Variants in PREPL observed in about 807,000 individuals in gnomAD.
The protein encoded by PREPL is prolyl endopeptidase like.
A neutral mutation model predicts 70.6 loss-of-function variants in PREPL; 77 were observed. The observed-to-expected ratio is 1.09, with a 90% confidence interval of 0.91 to 1.32. The LOEUF (loss-of-function observed/expected upper bound fraction) is 1.32. PREPL is among the 40% of genes most tolerant of loss of function. PREPL has a pLI of 0.00. For missense variants in PREPL, 1,002 were observed against 778.2 expected (o/e 1.29, Z -3.42); for synonymous variants, 315 against 264.8 (o/e 1.19, Z -1.84).
chr2:44,335,169 G>C (rs1009501770), intron 7 of PREPL, among the ~76,000 whole-genome samples: 1 of 152,110 alleles, frequency 6.6e-6, no homozygotes, highest in African/African-American at 2.4e-5. Context: ...AAAATGAAGA[G>C]ATAGAAGATA....
intron 7 of PREPL, among the ~76,000 whole-genome samples, chr2:44,338,102 C>T (rs188848161): frequency 2.6e-4 from 40 of 152,264 alleles, no homozygotes; most frequent in Admixed American, 5.9e-4. Flanking sequence ...AATATTAGCA[C>T]TCAACTCTAC....
At chr2:44,346,453 AAAGAT>A (rs1675836401) in intron 1 of PREPL, 63 bp from the exon 2 acceptor site, 1 of 1,485,902 alleles carries the variant, frequency 6.7e-7, no homozygotes, top group Non-Finnish European at 9.3e-7. Flanking sequence ...TTTGCTTTTT[AAAGAT>A]AAGTAGGTCT....
chr2:44,361,155 G>T (rs1364483117), intron 1 of PREPL, among the ~76,000 whole-genome samples: 2 of 152,196 alleles, frequency 1.3e-5, no homozygotes, highest in East Asian at 3.8e-4. Flanking sequence ...GGATGGGGGT[G>T]GGGTAGATAA....
chr2:44,330,135 G>A (rs192514882), intron 8 of PREPL, among the ~76,000 whole-genome samples: 13 of 152,310 alleles, frequency 8.5e-5, no homozygotes, highest in Non-Finnish European at 5.9e-5. Flanking sequence ...AAAACTTGAT[G>A]TAGATTAATT....
chr2:44,332,693 A>G (rs1213352296), intron 7 of PREPL, 37 bp from the exon 8 acceptor site: 1 of 1,478,652 alleles, frequency 6.8e-7, no homozygotes, highest in Admixed American at 2.0e-5. Flanking sequence ...TTCTTTATTT[A>G]GGCCACCAAG....
chr2:44,319,976 G>C lies in PREPL; in HGVS notation c.*1380C>G, dbSNP rs373643441. The C allele has an allele frequency of 1.8e-6, 1 of 543,930 alleles. No individual in the cohort carries two copies. The highest frequency in any genetic ancestry group is 3.3e-6 in the Non-Finnish European group (1 of 305,070). 33.7% of individuals were successfully genotyped at this position (543,930 alleles called of 1,614,324 possible). A position where few individuals can be genotyped will look rare whatever the true frequency, so the allele number is the denominator to read the frequency against. ...TCTACAATGTAGCAGAGCACTGTGC[G>C]TACTTATTGACTCCCAGACAAGCCG... On this transcript the variant is annotated 3_prime_UTR_variant, in exon 14 of 14. Transcript: ENST00000409411.
At chr2:44,353,672 C>G (rs1170609876) in intron 1 of PREPL, among the ~76,000 whole-genome samples, 2 of 151,582 alleles carry the variant, frequency 1.3e-5, no homozygotes, top group East Asian at 3.9e-4. Context: ...CAGACATATA[C>G]AAAAATGAGA....
intron 1 of PREPL, among the ~76,000 whole-genome samples, chr2:44,353,230 G>C (rs1676638164): frequency 1.3e-5 from 2 of 152,090 alleles, no homozygotes; most frequent in South Asian, 2.1e-4. Context: ...CTTAACTTTA[G>C]GCTCTGTGGC....
chr2:44,345,676 T>G (rs560801375), intron 2 of PREPL, among the ~76,000 whole-genome samples: 1 of 152,160 alleles, frequency 6.6e-6, no homozygotes, highest in Non-Finnish European at 1.5e-5. Flanking sequence ...TGACTATTTA[T>G]GACTGTGATA....
rs538321114 is a variant in PREPL at position 44,343,791 on chromosome 2, G to A, written c.303C>T (p.Ser101=). 5.6e-6 allele frequency: 9 copies of A among 1,613,790 alleles called. No individual in the cohort carries two copies. Among genetic ancestry groups the A allele is most frequent in the Admixed American group, 5.0e-5 (3 of 59,982 alleles). Residue 101 remains serine, a synonymous_variant, in exon 4 of 14, where the codon AGC becomes AGT. Transcript: ENST00000409411. ...AAGAAGCTTCCATTACGGGCTGATC[G>A]CTGAGCTTTATAATTACACAGGTAG... ...EASTCVIIKL[S]DQPVMEASFP... is the part of the protein sequence containing the mutation.
chr2:44,333,707 C>T (rs1388260094), intron 7 of PREPL, among the ~76,000 whole-genome samples: 1 of 152,126 alleles, frequency 6.6e-6, no homozygotes, highest in Non-Finnish European at 1.5e-5. Context: ...GTATGCTTCT[C>T]ACATTGAGGG....
Position 44,317,681 on chromosome 2 carries a change from A to C in PREPL, c.*3675T>G, listed in dbSNP as rs1672538376. 6.6e-6 allele frequency: 1 copy of C among 152,412 alleles called. No individual in the cohort carries two copies. The highest frequency in any genetic ancestry group is 1.5e-5 in the Non-Finnish European group (1 of 68,240). The allele number at this position is 152,412 out of a possible 1,614,324, so 9.4% of individuals were successfully genotyped here. ...TTTCAAAGAATTATTTTCAAAGAAC[A>C]CTAGACATAAAATATAACAATTTTC... On this transcript the variant is annotated 3_prime_UTR_variant, in exon 14 of 14. Coordinates refer to ENST00000409411, the MANE Select transcript of PREPL (RefSeq NM_001171613.2).
intron 13 of PREPL, 43 bp downstream of exon 13, chr2:44,321,784 C>T: frequency 6.2e-7 from 1 of 1,613,652 alleles, no homozygotes; most frequent in Admixed American, 1.7e-5. Context: ...CAACATGTAT[C>T]TAGTTCGGGA....
intron 3 of PREPL, 36 bp downstream of exon 3, chr2:44,344,484 A>C: frequency 7.2e-7 from 1 of 1,392,718 alleles, no homozygotes; most frequent in Middle Eastern, 1.9e-4. Flanking sequence ...TGAAATCTGA[A>C]AATTAGAGCA....
chr2:44,340,863 G>A (rs1212203962), intron 5 of PREPL, among the ~76,000 whole-genome samples: 1 of 151,662 alleles, frequency 6.6e-6, no homozygotes, highest in Admixed American at 6.6e-5. Flanking sequence ...GGGACGCAGA[G>A]GTTGCAGTGA....
intron 10 of PREPL, among the ~76,000 whole-genome samples, chr2:44,326,383 CTTTTTTT>C: frequency 7.8e-6 from 1 of 128,212 alleles, no homozygotes. Context: ...TTTTTCTTTC[CTTTTTTT>C]TTTTTTTTTT....
intron 9 of PREPL, among the ~76,000 whole-genome samples, chr2:44,327,652 G>GTTT (rs1673648558): frequency 6.6e-6 from 1 of 152,116 alleles, no homozygotes; most frequent in Non-Finnish European, 1.5e-5. Flanking sequence ...CTTGAGGTCA[G>GTTT]GAGTTTGAGA....
chr2:44,328,056 C>T (rs935731952), intron 9 of PREPL, among the ~76,000 whole-genome samples: 3 of 148,744 alleles, frequency 2.0e-5, no homozygotes, highest in Non-Finnish European at 3.0e-5. Flanking sequence ...GAGGCTGAGG[C>T]GGGCGGATCA....
chr2:44,339,133 G>A lies in PREPL; in HGVS notation c.702+14C>T. ...TTAACAGCCCAAATAGGAACAACGA[G>A]CATCCAGGATTACCTTAAATTCTGT... On this transcript the variant is annotated intron_variant, in intron 6 of 13. Coordinates refer to ENST00000409411, the MANE Select transcript of PREPL (RefSeq NM_001171613.2). The A allele has an allele frequency of 6.2e-7, 1 of 1,612,618 alleles. No individual in the cohort carries two copies. The highest frequency in any genetic ancestry group is 8.5e-7 in the Non-Finnish European group (1 of 1,178,904).
Sources: gnomAD v4.1 joint callset for allele counts (sites outside exome capture counted in the v4.1 genomes callset) on GRCh38, gnomAD v4.1.1 for gene constraint, MANE v1.5 for transcripts, NCBI Gene and HGNC (gene_info 2026-07-23, HGNC 2026-07-21) for gene names.